Variants in SNX10 observed in about 807,000 individuals in gnomAD.
The protein encoded by SNX10 is sorting nexin 10, also known as sorting nexin-10.
In SNX10, 25 loss-of-function variants were observed where a neutral mutation model predicts 28.5. The observed-to-expected ratio is 0.88, with a 90% CI of 0.64 to 1.22. The LOEUF is 1.22. SNX10 is among the 50% of genes most tolerant of loss of function. The pLI is 0.00. For missense variants in SNX10, 223 were observed against 242.6 expected (o/e 0.92, Z 0.54); for synonymous variants, 62 against 81.4 (o/e 0.76, Z 1.28).
chr7:26,371,779 C>A (rs1315931871), intron 5 of SNX10, 42 bp from the exon 6 acceptor site: 3 of 1,388,100 alleles, frequency 2.2e-6, no homozygotes, highest in South Asian at 1.2e-5. Flanking sequence ...TATCACTGAC[C>A]ATCCTGTTCA....
intron 1 of SNX10, among the ~76,000 whole-genome samples, chr7:26,299,660 G>A (rs556522438): frequency 3.3e-5 from 5 of 152,150 alleles, no homozygotes; most frequent in Admixed American, 6.5e-5. Context: ...TCGTGACCTC[G>A]TGATCTGCCC....
intron 1 of SNX10, among the ~76,000 whole-genome samples, chr7:26,310,229 G>A (rs1221254797): frequency 6.6e-6 from 1 of 152,228 alleles, no homozygotes; most frequent in Non-Finnish European, 1.5e-5. Context: ...CAGGTGGTTG[G>A]GCGGCTTAGA....
chr7:26,325,496 T>G (rs1380127244), intron 1 of SNX10, among the ~76,000 whole-genome samples: 2 of 150,172 alleles, frequency 1.3e-5, no homozygotes, highest in Non-Finnish European at 3.0e-5. Flanking sequence ...ATATTTTTGG[T>G]TGTGACGGGG....
At chr7:26,356,471 T>C (rs568074970) in intron 2 of SNX10, among the ~76,000 whole-genome samples, 1 of 152,280 alleles carries the variant, frequency 6.6e-6, no homozygotes, top group South Asian at 2.1e-4. Context: ...GGCAGTGTCG[T>C]GAGGGATGCG....
intron 1 of SNX10, among the ~76,000 whole-genome samples, chr7:26,333,623 T>A (rs1787823917): frequency 6.6e-6 from 1 of 152,322 alleles, no homozygotes; most frequent in African/African-American, 2.4e-5. Flanking sequence ...CGCACCCGAC[T>A]ATTTTATTCT....
chr7:26,342,573 G>C (rs969451523), intron 1 of SNX10, among the ~76,000 whole-genome samples: 1 of 152,046 alleles, frequency 6.6e-6, no homozygotes, highest in African/African-American at 2.4e-5. Context: ...TATTCTGAGA[G>C]CATTATGCTA....
At position 26,335,672 on chromosome 7, in the gene SNX10, A is replaced by G. The variant is rs143561757; in HGVS notation, c.-23-10748A>G. ...AGGGCATAGGTAGTATTGAGAGCAGATACGGGAAAACTTGGCACAGAACTA... is the reference window on the plus strand; with the variant it reads ...AGGGCATAGGTAGTATTGAGAGCAGGTACGGGAAAACTTGGCACAGAACTA... On this transcript the variant is annotated intron_variant, in intron 1 of 6. Coordinates refer to ENST00000338523, the MANE Select transcript of SNX10 (RefSeq NM_013322.3). 4.9e-4 allele frequency among the ~76,000 whole-genome samples: 74 copies of G among 151,874 alleles called. 1 individual carries two copies. In the East Asian group the frequency reaches 0.013, roughly 27 times the overall value.
rs753661606 is a variant in SNX10, at chr7:26,346,408, C to G, written c.-23-12C>G. 3.0e-5 allele frequency: 48 copies of G among 1,587,592 alleles called. No homozygotes were observed. In the Admixed American group the frequency reaches 8.0e-4, roughly 26 times the overall value. ...GTTCCAAATGACCCAGTGTGGATAT[C>G]TTATTTTTCAGATTGATCGTGTCCT... On this transcript the variant is annotated splice_polypyrimidine_tract_variant and intron_variant, in intron 1 of 6. Coordinates refer to ENST00000338523, the MANE Select transcript of SNX10 (RefSeq NM_013322.3).
chr7:26,311,195 G>C (rs1391085432), intron 1 of SNX10, among the ~76,000 whole-genome samples: 1 of 152,158 alleles, frequency 6.6e-6, no homozygotes, highest in Non-Finnish European at 1.5e-5. Context: ...CTGTCGCCCA[G>C]GCTGGAATGC....
In SNX10 at chr7:26,374,336, C is replaced by T. The variant is rs939266484; in HGVS notation, c.*1764C>T. ...AAACGTGAAAAAAAATCAACTTTGC[C>T]GGATCACTTATTTTATACAAGAGAA... is the stretch of plus-strand genomic sequence containing the variant. On this transcript the variant is annotated 3_prime_UTR_variant, in exon 7 of 7. Coordinates refer to ENST00000338523, the MANE Select transcript of SNX10 (RefSeq NM_013322.3). 1.3e-5 allele frequency: 2 copies of T among 151,896 alleles called. No homozygotes were observed. The highest frequency in any genetic ancestry group is 2.4e-5 in the African/African-American group (1 of 41,390). The allele number at this position is 151,896 out of a possible 1,614,324, so 9.4% of individuals were successfully genotyped here. A position where few individuals can be genotyped will look rare whatever the true frequency, so the allele number is the denominator to read the frequency against.
intron 1 of SNX10, among the ~76,000 whole-genome samples, chr7:26,306,775 C>G (rs1786611028): frequency 6.6e-6 from 1 of 152,090 alleles, no homozygotes; most frequent in Admixed American, 6.5e-5. Flanking sequence ...ATTGGGGGTC[C>G]TGGGAAAGTC....
chr7:26,368,674 C>T (rs1392733209), intron 5 of SNX10, among the ~76,000 whole-genome samples: 2 of 152,082 alleles, frequency 1.3e-5, no homozygotes, highest in Non-Finnish European at 2.9e-5. Context: ...TTACAAAAGG[C>T]TAGTGTTGAA....
At chr7:26,365,270 A>C in intron 5 of SNX10, 125 bp downstream of exon 5, 1 of 601,956 alleles carries the variant, frequency 1.7e-6, no homozygotes. Flanking sequence ...CTAGAGCAAA[A>C]CCCAGTGGCC....
chr7:26,357,008 CATTT>C (rs748226035), intron 2 of SNX10: 1 of 1,111,206 alleles, frequency 9.0e-7, no homozygotes, highest in South Asian at 1.8e-5. Flanking sequence ...TTCCTACAGG[CATTT>C]ATTTATTCAT....
intron 1 of SNX10, among the ~76,000 whole-genome samples, chr7:26,317,331 T>C (rs947089428): frequency 1.3e-5 from 2 of 152,172 alleles, no homozygotes; most frequent in African/African-American, 4.8e-5. Context: ...AATTCCAGCA[T>C]TGCCCTTGAG....
At chr7:26,306,614 A>G (rs1786604187) in intron 1 of SNX10, among the ~76,000 whole-genome samples, 1 of 151,534 alleles carries the variant, frequency 6.6e-6, no homozygotes, top group South Asian at 2.1e-4. Context: ...CATGTTGCCC[A>G]GGTCTCGAAC....
At chr7:26,368,819 CTGAGT>C (rs1279566502) in intron 5 of SNX10, among the ~76,000 whole-genome samples, 8 of 151,888 alleles carry the variant, frequency 5.3e-5, no homozygotes, top group Admixed American at 5.2e-4. Flanking sequence ...GCTAAACAGG[CTGAGT>C]TAATTTTTTT....
Position 26,369,541 on chromosome 7 carries a change from G to T in SNX10, c.312-2280G>T, listed in dbSNP as rs184884780. 1.5e-3 allele frequency among the ~76,000 whole-genome samples: 225 copies of T among 152,274 alleles called. 2 individuals are homozygous for T. Among genetic ancestry groups the T allele is most frequent in the Non-Finnish European group, 2.0e-3 (139 of 68,028 alleles). On this transcript the variant is annotated intron_variant, in intron 5 of 6. Coordinates refer to ENST00000338523, the MANE Select transcript of SNX10 (RefSeq NM_013322.3). ...TAAAACTCATGGAGTATGGTGGCATGAATTTAGCCAGAGAAACAGAGGAGA... is the reference window on the plus strand; with the variant it reads ...TAAAACTCATGGAGTATGGTGGCATTAATTTAGCCAGAGAAACAGAGGAGA...
chr7:26,293,932 C>T lies in SNX10; in HGVS notation c.-24+1846C>T, dbSNP rs570145368. ...ACAGCAATTCTGCTGGGCTTTGGAG[C>T]AGTGGATATCTTTTCTCAGCCCTAG... On this transcript the variant is annotated intron_variant, in intron 1 of 6. Transcript: ENST00000338523. Among the ~76,000 whole-genome samples, 58 of 152,296 alleles carry T rather than the reference C, an allele frequency of 3.8e-4. 1 individual carries two copies. Among genetic ancestry groups the T allele is most frequent in the Non-Finnish European group, 7.1e-4 (48 of 68,026 alleles).
Sources: allele counts gnomAD v4.1 joint callset (sites outside exome capture counted in the v4.1 genomes callset), GRCh38; gene constraint gnomAD v4.1.1; transcripts MANE v1.5; gene names NCBI Gene and HGNC (gene_info 2026-07-23, HGNC 2026-07-21).